The following MEP1A variants were observed in gnomAD, a reference collection of about 807,000 sequenced individuals.
MEP1A encodes the protein meprin A subunit alpha, also known as N-benzoyl-L-tyrosyl-P-amino-benzoic acid hydrolase subunit alpha.
MEP1A carries 68 observed loss-of-function variants against 84.5 expected under a neutral mutation model. That is an observed-to-expected ratio of 0.80 (90% CI 0.66 to 0.98). The LOEUF (loss-of-function observed/expected upper bound fraction) is 0.98, where lower values mean the gene tolerates loss of function less well. Ranked by LOEUF, MEP1A falls within the 50% of genes least tolerant of loss-of-function variation. The pLI is 0.00. For missense variants in MEP1A, 887 were observed against 919.9 expected, an observed-to-expected ratio of 0.96 and a Z score of 0.46; for synonymous variants, 337 against 336.8, an observed-to-expected ratio of 1.00 and a Z score of -0.01.
chr6:46,824,408 G>A (rs146704418), intron 7 of MEP1A, among the ~76,000 whole-genome samples: 2,173 of 145,520 alleles, frequency 0.015, 53 homozygotes, highest in African/African-American at 0.051. Flanking sequence ...ATATGTTATT[G>A]TATATTAATA....
intron 6 of MEP1A, among the ~76,000 whole-genome samples, chr6:46,811,947 C>A (rs866756590): frequency 1.3e-5 from 2 of 151,940 alleles, no homozygotes; most frequent in African/African-American, 4.8e-5. Context: ...TTTGTTATGT[C>A]CTTCCCTGGT....
At chr6:46,832,486 T>C (rs1052643911) in intron 10 of MEP1A, among the ~76,000 whole-genome samples, 1 of 152,168 alleles carries the variant, frequency 6.6e-6, no homozygotes, top group Admixed American at 6.5e-5. Context: ...ACAATAGTAC[T>C]CTATTTGGCT....
chr6:46,826,311 C>G (rs2297018), intron 8 of MEP1A, 43 bp from the exon 9 acceptor site: 608,830 of 1,539,870 alleles, frequency 0.4, 122,764 homozygotes, highest in African/African-American at 0.5. Flanking sequence ...TTTGGAATGA[C>G]TATCTTTCAT....
At chr6:46,804,751 T>A (rs770918320) in intron 5 of MEP1A, among the ~76,000 whole-genome samples, 1 of 151,862 alleles carries the variant, frequency 6.6e-6, no homozygotes, top group Non-Finnish European at 1.5e-5. Context: ...TTATAATGTA[T>A]GTACCTCTGA....
rs752353235 is a variant in MEP1A, at chr6:46,825,461, A to C, written c.746A>C (p.Asp249Ala). 6 of 1,613,632 alleles carry C rather than the reference A, an allele frequency of 3.7e-6. No individual in the cohort carries two copies. Among genetic ancestry groups the C allele is most frequent in the Non-Finnish European group, 5.1e-6 (6 of 1,179,688 alleles). Reference sequence around the variant, plus strand: ...CAGCGCCTGGATTTCAGTGCCATTGATTTAGAGAGGCTGAACCGAATGTAC... The same window carrying C: ...CAGCGCCTGGATTTCAGTGCCATTGCTTTAGAGAGGCTGAACCGAATGTAC... ...IGQRLDFSAI[D>A]LERLNRMYNC... The change falls in exon 8 of 14, where the codon GAT becomes GCT. Residue 249 changes from aspartate to alanine, a missense_variant. Coordinates refer to ENST00000230588, the MANE Select transcript of MEP1A (RefSeq NM_005588.3).
At chr6:46,797,455 A>G (rs868453682) in intron 3 of MEP1A, among the ~76,000 whole-genome samples, 1 of 152,232 alleles carries the variant, frequency 6.6e-6, no homozygotes, top group African/African-American at 2.4e-5. Context: ...GTAGGAGAGT[A>G]TATTCTGCTA....
Position 46,809,544 on chromosome 6 carries a change from A to T in MEP1A, c.380+7A>T, listed in dbSNP as rs757483912. 2 of 1,564,420 alleles carry T rather than the reference A, an allele frequency of 1.3e-6. No individual in the cohort carries two copies. The highest frequency in any genetic ancestry group is 2.3e-5 in the South Asian group (2 of 86,944). ...TATTTCAACAGTTTGATGGGTTGGTATGAAATTTTACGGAGTGAAAATCAT... is the reference window on the plus strand; with the variant it reads ...TATTTCAACAGTTTGATGGGTTGGTTTGAAATTTTACGGAGTGAAAATCAT... On this transcript the variant is annotated splice_region_variant and intron_variant, in intron 6 of 13. Coordinates refer to ENST00000230588, the MANE Select transcript of MEP1A (RefSeq NM_005588.3).
In MEP1A at chr6:46,811,376, T is replaced by A. The variant is rs1313443345; in HGVS notation, c.380+1839T>A. Among the ~76,000 whole-genome samples, 4 of 152,048 alleles carry A rather than the reference T, an allele frequency of 2.6e-5. No individual in the cohort carries two copies. The South Asian group carries it at 8.3e-4, about 32-fold the overall frequency. On this transcript the variant is annotated intron_variant, in intron 6 of 13. Coordinates refer to ENST00000230588, the MANE Select transcript of MEP1A (RefSeq NM_005588.3). ...CAGTTCTAGGAGCTTTTTGGATGAGTCTTTAGGGTTTTTTTAGGTATACAA... is the reference window on the plus strand; with the variant it reads ...CAGTTCTAGGAGCTTTTTGGATGAGACTTTAGGGTTTTTTTAGGTATACAA...
chr6:46,804,327 AT>A (rs1326989849), intron 5 of MEP1A, among the ~76,000 whole-genome samples: 1 of 151,834 alleles, frequency 6.6e-6, no homozygotes, highest in Non-Finnish European at 1.5e-5. Context: ...TTATTTTAAC[AT>A]TTTTAAGTTG....
At chr6:46,816,590 G>A (rs1307844107) in intron 6 of MEP1A, among the ~76,000 whole-genome samples, 2 of 151,976 alleles carry the variant, frequency 1.3e-5, no homozygotes, top group Non-Finnish European at 2.9e-5. Context: ...AGAAGGGGAG[G>A]AGGGGATCAA....
chr6:46,825,613 A>G lies in MEP1A; in HGVS notation c.778+120A>G, dbSNP rs538012801. Reference sequence around the variant, plus strand: ...TTAATGTACTAGCTAAAAGAATAAGAACAAACTGCGTAACTTTTGTTGGTC... The same window carrying G: ...TTAATGTACTAGCTAAAAGAATAAGGACAAACTGCGTAACTTTTGTTGGTC... On this transcript the variant is annotated intron_variant, in intron 8 of 13. Transcript: ENST00000230588. 8.2e-5 allele frequency: 59 copies of G among 719,046 alleles called. No individual in the cohort carries two copies. The South Asian group carries it at 1.1e-3, about 13-fold the overall frequency. 44.5% of individuals were successfully genotyped at this position (719,046 alleles called of 1,614,324 possible).
At chr6:46,799,256 C>T in intron 5 of MEP1A, 75 bp downstream of exon 5, 1 of 973,028 alleles carries the variant, frequency 1.0e-6, no homozygotes, top group South Asian at 1.3e-5. Flanking sequence ...ATGGGCTTCA[C>T]ATTGGGAGTA....
intron 6 of MEP1A, among the ~76,000 whole-genome samples, chr6:46,813,450 T>C (rs1562109230): frequency 6.6e-6 from 1 of 152,078 alleles, no homozygotes; most frequent in Admixed American, 6.6e-5. Flanking sequence ...AGAGTACAAA[T>C]AGACAATTCT....
intron 5 of MEP1A, among the ~76,000 whole-genome samples, chr6:46,803,021 C>T (rs986730897): frequency 6.6e-6 from 1 of 151,464 alleles, no homozygotes; most frequent in South Asian, 2.1e-4. Flanking sequence ...AGTTATGTAG[C>T]TCTCAAAACC....
chr6:46,823,655 G>A (rs944085460), intron 7 of MEP1A, among the ~76,000 whole-genome samples: 1 of 152,110 alleles, frequency 6.6e-6, no homozygotes, highest in Non-Finnish European at 1.5e-5. Flanking sequence ...TGGACAAGGA[G>A]CTAGAGAAGG....
rs1450066505 is a variant in MEP1A at position 46,839,500 on chromosome 6, C to T, written c.*364C>T. ...TGGCTGGCACATTGTTGGCACTCAA[C>T]AATGGTTGAATGAATAAAACAATAA... On this transcript the variant is annotated 3_prime_UTR_variant, in exon 14 of 14. Coordinates refer to ENST00000230588, the MANE Select transcript of MEP1A (RefSeq NM_005588.3). The T allele has an allele frequency of 4.2e-5, 7 of 165,000 alleles. No homozygotes were observed. Among genetic ancestry groups the T allele is most frequent in the Non-Finnish European group, 7.8e-5 (6 of 76,804 alleles). 10.2% of individuals were successfully genotyped at this position (165,000 alleles called of 1,614,324 possible).
intron 7 of MEP1A, among the ~76,000 whole-genome samples, chr6:46,820,267 T>C (rs1767736236): frequency 6.6e-6 from 1 of 152,224 alleles, no homozygotes; most frequent in Non-Finnish European, 1.5e-5. Context: ...GGTGAATGTT[T>C]TTTTCTTCCT....
rs545809127 is a variant in MEP1A at position 46,833,272 on chromosome 6, C to G, written c.1343C>G (p.Thr448Ser). 10 of 1,614,178 alleles carry G rather than the reference C, an allele frequency of 6.2e-6. No homozygotes were observed. The East Asian group carries it at 2.0e-4, about 32-fold the overall frequency. Reference sequence around the variant, plus strand: ...AATTTCTCCCAAGTCCTTGAGAACACCAGCAAAGGGGACAAGCTTCAGAGC... The same window carrying G: ...AATTTCTCCCAAGTCCTTGAGAACAGCAGCAAAGGGGACAAGCTTCAGAGC... ...VRNFSQVLEN[T>S]SKGDKLQSPR... The change falls in exon 11 of 14, where the codon ACC becomes AGC. Residue 448 changes from threonine (T) to serine (S), a missense_variant. Thr to Ser is a moderately conservative substitution (Grantham distance 58). Coordinates refer to ENST00000230588, the MANE Select transcript of MEP1A (RefSeq NM_005588.3).
chr6:46,814,851 C>G (rs1581674538), intron 6 of MEP1A, among the ~76,000 whole-genome samples: 1 of 146,556 alleles, frequency 6.8e-6, no homozygotes, highest in East Asian at 2.0e-4. Context: ...AGCTACTGGG[C>G]TCTGGGCTGG....
Sources: gnomAD v4.1 joint callset for allele counts (sites outside exome capture counted in the v4.1 genomes callset) on GRCh38, gnomAD v4.1.1 for gene constraint, MANE v1.5 for transcripts, NCBI Gene and HGNC (gene_info 2026-07-23, HGNC 2026-07-21) for gene names.